Variants in FOXP1 observed in about 807,000 individuals in gnomAD.
FOXP1 encodes forkhead box P1, also known as forkhead box protein P1.
FOXP1 carries 15 observed loss-of-function variants against 98.2 expected under a neutral mutation model. The ratio of observed to expected loss-of-function variants is 0.15; its 90% CI spans 0.10 to 0.24. The LOEUF (loss-of-function observed/expected upper bound fraction) is 0.24, where lower values mean the gene tolerates loss of function less well. FOXP1 is among the 10% of genes least tolerant of loss of function. FOXP1 has a pLI of 1.00. For missense variants in FOXP1, 633 were observed against 848.5 expected (o/e 0.75, Z 3.15); for synonymous variants, 371 against 314.5 (o/e 1.18, Z -1.90).
intron 11 of FOXP1, among the ~76,000 whole-genome samples, chr3:71,028,689 T>C (rs1033441305): frequency 6.6e-6 from 1 of 152,236 alleles, no homozygotes; most frequent in Non-Finnish European, 1.5e-5. Context: ...ATAATATTTA[T>C]CATGCATTTA....
At chr3:71,389,481 GTA>G (rs996035099) in intron 3 of FOXP1, among the ~76,000 whole-genome samples, 6 of 151,984 alleles carry the variant, frequency 3.9e-5, no homozygotes, top group African/African-American at 1.5e-4. Context: ...ACAACGACGT[GTA>G]CAAAACAAAT....
intron 14 of FOXP1, among the ~76,000 whole-genome samples, chr3:70,987,547 T>C (rs961564423): frequency 3.9e-5 from 6 of 152,240 alleles, no homozygotes; most frequent in Admixed American, 3.3e-4. Flanking sequence ...TGTTAAGAGT[T>C]AGACTGGACT....
chr3:71,050,804 G>C (rs1359186404), intron 9 of FOXP1, among the ~76,000 whole-genome samples: 1 of 152,172 alleles, frequency 6.6e-6, no homozygotes, highest in Non-Finnish European at 1.5e-5. Flanking sequence ...CTGTCATGTT[G>C]ATTTATGGGC....
intron 12 of FOXP1, among the ~76,000 whole-genome samples, chr3:71,005,314 T>TAAAAAAAAA (rs60664354): frequency 4.0e-5 from 1 of 25,266 alleles, no homozygotes; most frequent in African/African-American, 1.2e-4. Flanking sequence ...ATACCTGATT[T>TAAAAAAAAA]AAAAAAAAAA....
At chr3:71,246,291 C>T (rs1411982486) in intron 5 of FOXP1, among the ~76,000 whole-genome samples, 1 of 152,198 alleles carries the variant, frequency 6.6e-6, no homozygotes, top group East Asian at 1.9e-4. Context: ...GACAGTGATG[C>T]TGCCTGCGAG....
intron 5 of FOXP1, among the ~76,000 whole-genome samples, chr3:71,219,825 C>CT (rs1167711297): frequency 6.6e-6 from 1 of 152,130 alleles, no homozygotes; most frequent in Non-Finnish European, 1.5e-5. Flanking sequence ...GCAGCACACA[C>CT]TTCAGGATCT....
At chr3:71,377,661 T>A (rs2108025720) in intron 3 of FOXP1, among the ~76,000 whole-genome samples, 1 of 152,308 alleles carries the variant, frequency 6.6e-6, no homozygotes, top group South Asian at 2.1e-4. Flanking sequence ...TCAGAACATA[T>A]CAGCTAATAT....
chr3:71,496,268 A>G (rs2091400053), intron 2 of FOXP1, among the ~76,000 whole-genome samples: 1 of 152,198 alleles, frequency 6.6e-6, no homozygotes, highest in African/African-American at 2.4e-5. Flanking sequence ...ACAGAAAAGC[A>G]CAGTAGGTGT....
chr3:70,978,097 G>A, intron 14 of FOXP1, 68 bp from the exon 15 acceptor site: 4 of 1,335,990 alleles, frequency 3.0e-6, no homozygotes, highest in Non-Finnish European at 3.2e-6. Context: ...ACCACATCTA[G>A]CAGGAGTAAC....
At chr3:71,308,714 A>G (rs1156879414) in intron 4 of FOXP1, among the ~76,000 whole-genome samples, 1 of 151,226 alleles carries the variant, frequency 6.6e-6, no homozygotes, top group East Asian at 2.0e-4. Flanking sequence ...GAACTGTAAA[A>G]AGGACATTAA....
chr3:70,969,830 T>A (rs1464646007), intron 19 of FOXP1: 1 of 152,150 alleles, frequency 6.6e-6, no homozygotes, highest in Non-Finnish European at 1.5e-5. Context: ...ATGACAAATG[T>A]CAGATTTATC....
intron 7 of FOXP1, among the ~76,000 whole-genome samples, chr3:71,057,964 G>C (rs192343993): frequency 6.6e-6 from 1 of 152,110 alleles, no homozygotes; most frequent in Non-Finnish European, 1.5e-5. Flanking sequence ...GCCTGATACG[G>C]TTTTTTCTTC....
rs547020416 is a variant in FOXP1 at position 71,461,123 on chromosome 3, C to T, written c.-168+32303G>A. Among the ~76,000 whole-genome samples, 34 of 152,260 alleles carry T rather than the reference C, an allele frequency of 2.2e-4. No homozygotes were observed. In the South Asian group the frequency reaches 7.0e-3, roughly 32 times the overall value. On this transcript the variant is annotated intron_variant, in intron 3 of 20. Transcript: ENST00000649528. ...GGAAGTTAAAAAGACTTTGTCCATT[C>T]TTGAGTTTCATCAGTACGAGCTATA... is the stretch of plus-strand genomic sequence containing the variant.
intron 11 of FOXP1, among the ~76,000 whole-genome samples, chr3:71,039,361 A>C (rs1027653233): frequency 6.6e-6 from 1 of 152,184 alleles, no homozygotes. Context: ...CCAGAATTAG[A>C]CTGTCTCTCA....
intron 3 of FOXP1, among the ~76,000 whole-genome samples, chr3:71,415,161 C>T (rs1466516163): frequency 6.6e-6 from 1 of 152,160 alleles, no homozygotes; most frequent in African/African-American, 2.4e-5. Flanking sequence ...GTATGCAATA[C>T]CCCAACTCTA....
chr3:71,287,943 C>T (rs565326115), intron 5 of FOXP1, among the ~76,000 whole-genome samples: 8 of 151,886 alleles, frequency 5.3e-5, no homozygotes, highest in African/African-American at 9.7e-5. Context: ...TGCAATGGCA[C>T]GATCTTGGCT....
intron 4 of FOXP1, among the ~76,000 whole-genome samples, chr3:71,336,660 C>G (rs1279873360): frequency 6.6e-6 from 1 of 152,142 alleles, no homozygotes; most frequent in Non-Finnish European, 1.5e-5. Context: ...CAAAAGCATC[C>G]CAGCTAGTAA....
intron 3 of FOXP1, among the ~76,000 whole-genome samples, chr3:71,393,830 G>A (rs1288457216): frequency 1.3e-5 from 2 of 152,132 alleles, no homozygotes; most frequent in African/African-American, 4.8e-5. Flanking sequence ...CCTGACCTAT[G>A]GACTCTCTCA....
At position 71,286,469 on chromosome 3, in the gene FOXP1, T is replaced by A. The variant is rs181012981; in HGVS notation, c.-12+13351A>T. Among the ~76,000 whole-genome samples, 1,521 of 152,348 alleles carry A rather than the reference T, an allele frequency of 1.0e-2. 30 individuals carry two copies. Among genetic ancestry groups the A allele is most frequent in the African/African-American group, 0.034 (1,423 of 41,576 alleles). ...CATACTCTAAAAGCTGTAACTTTTTTAATTTTACAGAGTTAATCTGAATGA... is the reference window on the plus strand; with the variant it reads ...CATACTCTAAAAGCTGTAACTTTTTAAATTTTACAGAGTTAATCTGAATGA... On this transcript the variant is annotated intron_variant, in intron 5 of 20. Coordinates refer to ENST00000649528, the MANE Select transcript of FOXP1 (RefSeq NM_001349338.3).
Sources: gnomAD v4.1 joint callset for allele counts (sites outside exome capture counted in the v4.1 genomes callset) on GRCh38, gnomAD v4.1.1 for gene constraint, MANE v1.5 for transcripts, NCBI Gene and HGNC (gene_info 2026-07-23, HGNC 2026-07-21) for gene names.